The following KMT2C variants were observed in gnomAD, a reference collection of about 807,000 sequenced individuals.
KMT2C encodes lysine methyltransferase 2C, also known as histone-lysine N-methyltransferase 2C.
A neutral mutation model predicts 507.9 loss-of-function variants in KMT2C; 88 were observed. The observed-to-expected ratio is 0.17, with a 90% CI of 0.15 to 0.21. KMT2C has a LOEUF of 0.21. Among genes scored for constraint, KMT2C ranks in the 10% least tolerant of loss-of-function variants. The probability of loss-of-function intolerance (pLI) is 1.00; values close to 1 mark genes in which losing one functional copy is unlikely to be tolerated. For synonymous variants in KMT2C, 2,049 were observed against 2,080.8 expected (o/e 0.98, Z 0.42); for missense variants, 4,954 against 5,957.8 (o/e 0.83, Z 5.55).
In KMT2C at chr7:152,152,802, A is replaced by T. The variant is rs1389265287; in HGVS notation, c.12429T>A (p.Leu4143=). 6.2e-7 allele frequency: 1 copy of T among 1,614,004 alleles called. No homozygotes were observed. The change falls in exon 49 of 59, where the codon CTT becomes CTA. Residue 4143 remains leucine, a synonymous_variant. Coordinates refer to ENST00000262189, the MANE Select transcript of KMT2C (RefSeq NM_170606.3). ...NPGLEYRQHL[L]LRGPPPGSAN... is the part of the protein sequence containing the mutation. ...CAGATCCTGGCGGAGGCCCACGGAG[A>T]AGTAAATGCTGTCGATACTCCAAAC...
At chr7:152,419,704 A>C (rs2097767166) in intron 1 of KMT2C, among the ~76,000 whole-genome samples, 1 of 152,192 alleles carries the variant, frequency 6.6e-6, no homozygotes, top group South Asian at 2.1e-4. Context: ...GTAGTCTCTT[A>C]AAAAGCAAAG....
chr7:152,254,100 T>C (rs961549732), intron 9 of KMT2C, among the ~76,000 whole-genome samples: 6 of 152,122 alleles, frequency 3.9e-5, no homozygotes, highest in African/African-American at 1.4e-4. Context: ...TTAAAATGAA[T>C]GCACTTAACA....
At position 152,187,042 on chromosome 7, in the gene KMT2C, T is replaced by C. The variant is rs541834691; in HGVS notation, c.5008+220A>G. Among the ~76,000 whole-genome samples the C allele has an allele frequency of 2.0e-5, 3 of 152,296 alleles. No individual in the cohort carries two copies. In the East Asian group the frequency reaches 5.8e-4, roughly 29 times the overall value. ...CTGCTAGGAGCTGAAAAACGGACCA[T>C]TTCACTAATTGAAACTAATTTTTGG... On this transcript the variant is annotated intron_variant, in intron 33 of 58. Transcript: ENST00000262189.
chr7:152,141,105 T>TGGC (rs111693455), intron 55 of KMT2C, among the ~76,000 whole-genome samples: 13,679 of 152,022 alleles, frequency 0.09, 1,261 homozygotes, highest in African/African-American at 0.23. Flanking sequence ...CTGGGCATGG[T>TGGC]GGCGTGTGCC....
Position 152,238,825 on chromosome 7 carries a change from C to G in KMT2C, c.2534G>C (p.Gly845Ala), listed in dbSNP as rs4024419. The G allele has an allele frequency of 8.9e-7, 1 of 1,120,200 alleles. No homozygotes were observed. The highest frequency in any genetic ancestry group is 1.3e-6 in the Non-Finnish European group (1 of 792,346). 69.4% of individuals were successfully genotyped at this position (1,120,200 alleles called of 1,614,324 possible). ...FSPGRPRSKQGAWSTHNTVSP... is the reference protein window; with the variant it reads ...FSPGRPRSKQAAWSTHNTVSP... ...CACTGTATTATGGGTACTCCAAGCC[C>G]CCTAGGATATGGCAGTTGAGAAAAT... The change falls in exon 15 of 59, where the codon GGG becomes GCG. Residue 845 changes from glycine (G) to alanine (A), a missense_variant and splice_region_variant. Physicochemically the swap from Gly to Ala is moderately conservative, Grantham distance 60 (BLOSUM62 0). Transcript: ENST00000262189.
chr7:152,203,982 C>A (rs772552590), intron 25 of KMT2C, among the ~76,000 whole-genome samples: 2 of 152,024 alleles, frequency 1.3e-5, no homozygotes, highest in Non-Finnish European at 2.9e-5. Context: ...CAGAGCATTG[C>A]GAGGAATAGG....
chr7:152,379,151 A>ATTATT (rs1213555690), intron 1 of KMT2C, among the ~76,000 whole-genome samples: 1 of 151,906 alleles, frequency 6.6e-6, no homozygotes, highest in Non-Finnish European at 1.5e-5. Flanking sequence ...CCTTTTTTTA[A>ATTATT]ATTATTATTA....
chr7:152,182,800 T>C (rs938964552), intron 35 of KMT2C, among the ~76,000 whole-genome samples, 174 bp downstream of exon 35: 1 of 152,188 alleles, frequency 6.6e-6, no homozygotes, highest in African/African-American at 2.4e-5. Flanking sequence ...GTTTATAATA[T>C]TTCAATAAAT....
At chr7:152,386,254 CT>C in intron 1 of KMT2C, among the ~76,000 whole-genome samples, 1 of 151,734 alleles carries the variant, frequency 6.6e-6, no homozygotes, top group Non-Finnish European at 1.5e-5. Context: ...CTTCAGAGGA[CT>C]TTTGTAAGAA....
At position 152,154,453 on chromosome 7, in the gene KMT2C, A is replaced by C. The variant is rs912616684; in HGVS notation, c.11961-8T>G. ...CCACAGTGATCCTGTATCCTGAAAA[A>C]ACATAAACACACACATCAAAGTCTG... On this transcript the variant is annotated splice_region_variant and splice_polypyrimidine_tract_variant and intron_variant, in intron 46 of 58. Transcript: ENST00000262189. The C allele has an allele frequency of 6.2e-7, 1 of 1,610,708 alleles. No individual in the cohort carries two copies. Among genetic ancestry groups the C allele is most frequent in the African/African-American group, 1.3e-5 (1 of 74,890 alleles).
chr7:152,301,614 G>A (rs1271809878), intron 6 of KMT2C, among the ~76,000 whole-genome samples: 1 of 152,178 alleles, frequency 6.6e-6, no homozygotes, highest in Non-Finnish European at 1.5e-5. Context: ...TTGAGCCTAA[G>A]AAGTCAAGGT....
intron 1 of KMT2C, among the ~76,000 whole-genome samples, chr7:152,409,372 C>G (rs2116654487): frequency 6.6e-6 from 1 of 151,958 alleles, no homozygotes; most frequent in East Asian, 1.9e-4. Flanking sequence ...AAAATTTCTT[C>G]TAATGTAATT....
chr7:152,227,907 A>T (rs1028163688), intron 18 of KMT2C, among the ~76,000 whole-genome samples: 4 of 152,174 alleles, frequency 2.6e-5, no homozygotes, highest in Non-Finnish European at 5.9e-5. Flanking sequence ...GTGAACAGGG[A>T]GCAGAATTCA....
Position 152,177,452 on chromosome 7 carries a change from C to T in KMT2C, c.8001G>A (p.Pro2667=), listed in dbSNP as rs368428827. 38 of 1,614,108 alleles carry T rather than the reference C, an allele frequency of 2.4e-5. No individual in the cohort carries two copies. The South Asian group carries it at 2.9e-4, about 12-fold the overall frequency. The change falls in exon 38 of 59, where the codon CCG becomes CCA. Residue 2667 remains proline, a synonymous_variant. Transcript: ENST00000262189. ...GTAAATTATCAGACGTTGTTTCAGA[C>T]GGTACAGATGTTGACAAAGGAGCTT... ...FSEAPLSTSV[P]SETTSDNLQI... is the part of the protein sequence containing the mutation.
intron 12 of KMT2C, among the ~76,000 whole-genome samples, 170 bp from the exon 13 acceptor site, chr7:152,250,123 T>C (rs2095540454): frequency 6.6e-6 from 1 of 152,206 alleles, no homozygotes; most frequent in Non-Finnish European, 1.5e-5. Flanking sequence ...TTAGAAGTCT[T>C]TGCACTATGG....
At chr7:152,272,554 G>C (rs2095997058) in intron 7 of KMT2C, among the ~76,000 whole-genome samples, 1 of 152,142 alleles carries the variant, frequency 6.6e-6, no homozygotes, top group South Asian at 2.1e-4. Context: ...ATAAATAGTA[G>C]CCGTAACAGT....
intron 6 of KMT2C, among the ~76,000 whole-genome samples, chr7:152,279,583 C>T (rs2096161259): frequency 6.6e-6 from 1 of 152,144 alleles, no homozygotes; most frequent in Non-Finnish European, 1.5e-5. Context: ...TATGAATTGA[C>T]CTGAAGTAAT....
At chr7:152,331,980 T>C (rs1201375052) in intron 2 of KMT2C, among the ~76,000 whole-genome samples, 1 of 152,144 alleles carries the variant, frequency 6.6e-6, no homozygotes, top group Non-Finnish European at 1.5e-5. Context: ...ATTATAGCAA[T>C]TGGTCTACAG....
At chr7:152,257,865 GCACACACACACA>G (rs113752747) in intron 9 of KMT2C, among the ~76,000 whole-genome samples, 7 of 147,218 alleles carry the variant, frequency 4.8e-5, no homozygotes, top group Admixed American at 7.0e-5. Flanking sequence ...ACACACACAC[GCACACACACACA>G]CACACACAAA....
Sources: gnomAD v4.1 joint callset for allele counts (sites outside exome capture counted in the v4.1 genomes callset) on GRCh38, gnomAD v4.1.1 for gene constraint, MANE v1.5 for transcripts, NCBI Gene and HGNC (gene_info 2026-07-23, HGNC 2026-07-21) for gene names.